The following RPH3A variants were observed in gnomAD, a reference collection of about 807,000 sequenced individuals.
RPH3A encodes the protein rabphilin-3A.
RPH3A carries 48 observed loss-of-function variants against 102.2 expected under a neutral mutation model. That is an observed-to-expected ratio of 0.47 (90% CI 0.37 to 0.60). The LOEUF (loss-of-function observed/expected upper bound fraction) is 0.60, where lower values mean the gene tolerates loss of function less well. Ranked by LOEUF, RPH3A falls within the 20% of genes least tolerant of loss-of-function variation. The probability of loss-of-function intolerance (pLI) is 0.00; values close to 1 mark genes in which losing one functional copy is unlikely to be tolerated. For synonymous variants in RPH3A, 310 were observed against 324.3 expected, an observed-to-expected ratio of 0.96 and a Z score of 0.47; for missense variants, 781 against 910.1, an observed-to-expected ratio of 0.86 and a Z score of 1.83.
At chr12:112,871,883 T>C (rs1489765222) in intron 10 of RPH3A, among the ~76,000 whole-genome samples, 2 of 150,484 alleles carry the variant, frequency 1.3e-5, no homozygotes, top group Non-Finnish European at 3.0e-5. Flanking sequence ...CATGTATATA[T>C]ACATATATAT....
chr12:112,731,322 A>G (rs535637181), intron 1 of RPH3A, among the ~76,000 whole-genome samples: 1 of 152,296 alleles, frequency 6.6e-6, no homozygotes, highest in East Asian at 1.9e-4. Context: ...GTTTTTGTGA[A>G]GATTCAATAT....
intron 1 of RPH3A, among the ~76,000 whole-genome samples, chr12:112,605,322 C>G (rs2039587357): frequency 6.6e-6 from 1 of 152,174 alleles, no homozygotes; most frequent in South Asian, 2.1e-4. Flanking sequence ...TTGCAGTGAG[C>G]TGAGATTGCA....
At chr12:112,879,315 T>C (rs1211384920) in intron 14 of RPH3A, 117 bp downstream of exon 14, 5 of 865,090 alleles carry the variant, frequency 5.8e-6, no homozygotes, top group Non-Finnish European at 8.9e-6. Context: ...TCGATGATAG[T>C]GACGGTGATG....
chr12:112,783,157 G>A (rs2041020403), intron 1 of RPH3A, among the ~76,000 whole-genome samples: 1 of 152,164 alleles, frequency 6.6e-6, no homozygotes, highest in Non-Finnish European at 1.5e-5. Flanking sequence ...CATTCTTCAA[G>A]CCTGCTGGAT....
chr12:112,774,794 C>T (rs779881430), intron 1 of RPH3A, among the ~76,000 whole-genome samples: 1 of 144,956 alleles, frequency 6.9e-6, no homozygotes, highest in African/African-American at 2.6e-5. Context: ...AGGTAGGGGG[C>T]GGAGAGCAGT....
chr12:112,717,089 C>T (rs1015841976), intron 1 of RPH3A, among the ~76,000 whole-genome samples: 1 of 152,162 alleles, frequency 6.6e-6, no homozygotes. Flanking sequence ...AGATGAGGCT[C>T]ACAGAAGTAT....
intron 1 of RPH3A, among the ~76,000 whole-genome samples, chr12:112,641,683 C>A (rs767809993): frequency 1.3e-5 from 2 of 152,224 alleles, no homozygotes; most frequent in Non-Finnish European, 2.9e-5. Context: ...CAGGCATGAG[C>A]CACCGTGCCC....
At chr12:112,881,186 G>A (rs1015944755) in intron 14 of RPH3A, among the ~76,000 whole-genome samples, 2 of 152,124 alleles carry the variant, frequency 1.3e-5, no homozygotes, top group African/African-American at 4.8e-5. Context: ...AGGAATTTGG[G>A]GATTGCTCAT....
chr12:112,784,611 A>T (rs2041031363), intron 1 of RPH3A, among the ~76,000 whole-genome samples: 3 of 152,244 alleles, frequency 2.0e-5, no homozygotes, highest in South Asian at 4.1e-4. Context: ...TTGACCAGGC[A>T]TCAGATTTGT....
intron 5 of RPH3A, among the ~76,000 whole-genome samples, chr12:112,857,446 G>T (rs748320473): frequency 6.6e-6 from 1 of 152,106 alleles, no homozygotes; most frequent in Non-Finnish European, 1.5e-5. Context: ...AGGAAACAAG[G>T]GTTTCCTATG....
rs1180242181 is a variant in RPH3A at position 112,894,320 on chromosome 12, G to T, written c.1776-258G>T. The T allele has an allele frequency of 6.1e-5, 31 of 505,284 alleles. No individual in the cohort carries two copies. In the Admixed American group the frequency reaches 1.2e-3, roughly 20 times the overall value. 31.3% of individuals were successfully genotyped at this position (505,284 alleles called of 1,614,324 possible). ...GCTAGGGCACACTTCTGCCTCTCTG[G>T]ATCTCAGTTTCTGTTTCTGTAAACT... On this transcript the variant is annotated intron_variant, in intron 19 of 21. Transcript: ENST00000389385.
intron 1 of RPH3A, among the ~76,000 whole-genome samples, chr12:112,627,026 A>G (rs2039771333): frequency 9.0e-6 from 1 of 111,586 alleles, no homozygotes; most frequent in South Asian, 3.6e-4. Flanking sequence ...ACATGGACAC[A>G]GGAAGGGGAA....
intron 1 of RPH3A, among the ~76,000 whole-genome samples, chr12:112,614,783 T>C (rs756987087): frequency 6.7e-6 from 1 of 149,272 alleles, no homozygotes; most frequent in Non-Finnish European, 1.5e-5. Flanking sequence ...TCACTACTAC[T>C]AGTACTATTA....
chr12:112,775,659 T>C (rs1223244112), intron 1 of RPH3A, among the ~76,000 whole-genome samples: 1 of 152,092 alleles, frequency 6.6e-6, no homozygotes, highest in Non-Finnish European at 1.5e-5. Context: ...GAGGGAACCA[T>C]GGACAAGGCA....
intron 1 of RPH3A, chr12:112,718,078 A>C (rs1289158575): frequency 4.6e-5 from 7 of 152,162 alleles, no homozygotes; most frequent in Admixed American, 4.6e-4. Flanking sequence ...CCCCTTTGCT[A>C]TCCACACAGG....
intron 1 of RPH3A, among the ~76,000 whole-genome samples, chr12:112,736,012 C>A (rs577153284): frequency 6.6e-6 from 1 of 152,172 alleles, no homozygotes; most frequent in Non-Finnish European, 1.5e-5. Flanking sequence ...TTTGCATAGG[C>A]TGTTCCCTCT....
chr12:112,658,135 A>G (rs2040025492), intron 1 of RPH3A, among the ~76,000 whole-genome samples: 1 of 152,104 alleles, frequency 6.6e-6, no homozygotes, highest in South Asian at 2.1e-4. Context: ...GAATAGTGGG[A>G]TCTGATTTTA....
intron 5 of RPH3A, 62 bp downstream of exon 5, chr12:112,847,904 G>C: frequency 6.3e-7 from 1 of 1,576,466 alleles, no homozygotes; most frequent in Non-Finnish European, 8.6e-7. Context: ...TGCTGGGCTG[G>C]AGCAGGGCTT....
chr12:112,628,618 G>A (rs1034406926), intron 1 of RPH3A, among the ~76,000 whole-genome samples: 7 of 146,494 alleles, frequency 4.8e-5, no homozygotes, highest in Non-Finnish European at 1.0e-4. Flanking sequence ...AAATCAGCAG[G>A]GTGGGGTGGT....
Sources: gnomAD v4.1 joint callset for allele counts (sites outside exome capture counted in the v4.1 genomes callset) on GRCh38, gnomAD v4.1.1 for gene constraint, MANE v1.5 for transcripts, NCBI Gene and HGNC (gene_info 2026-07-23, HGNC 2026-07-21) for gene names.